ADAMTS20: variants seen among roughly 807,000 people sequenced by gnomAD.
ADAMTS20 encodes ADAM metallopeptidase with thrombospondin type 1 motif 20, also known as A disintegrin and metalloproteinase with thrombospondin motifs 20.
A neutral mutation model predicts 260.1 loss-of-function variants in ADAMTS20; 225 were observed. The observed-to-expected ratio is 0.87, with a 90% CI of 0.78 to 0.97. The LOEUF is 0.97. ADAMTS20 is among the 50% of genes least tolerant of loss of function. The pLI is 0.00. For synonymous variants in ADAMTS20, 802 were observed against 769.5 expected, an observed-to-expected ratio of 1.04 and a Z score of -0.70; for missense variants, 2,400 against 2,337.7, an observed-to-expected ratio of 1.03 and a Z score of -0.55.
intron 28 of ADAMTS20, among the ~76,000 whole-genome samples, chr12:43,420,596 C>T (rs1941207915): frequency 6.6e-6 from 1 of 151,960 alleles, no homozygotes; most frequent in African/African-American, 2.4e-5. Flanking sequence ...CTGGCTCCTG[C>T]TGGCCTTAGG....
intron 2 of ADAMTS20, 21 bp downstream of exon 2, chr12:43,550,888 A>T (rs367791048): frequency 1.7e-5 from 26 of 1,508,794 alleles, no homozygotes; most frequent in Non-Finnish European, 2.2e-5. Flanking sequence ...AGAAAATGCC[A>T]AGGGACCCGA....
intron 28 of ADAMTS20, among the ~76,000 whole-genome samples, chr12:43,421,660 A>C (rs1051348009): frequency 6.6e-6 from 1 of 152,060 alleles, no homozygotes; most frequent in Non-Finnish European, 1.5e-5. Flanking sequence ...TTATTAAATA[A>C]ATTTGCTTAC....
At chr12:43,389,514 G>A (rs906754554) in intron 29 of ADAMTS20, among the ~76,000 whole-genome samples, 3 of 152,136 alleles carry the variant, frequency 2.0e-5, no homozygotes, top group African/African-American at 7.2e-5. Flanking sequence ...AGGGCTCTAG[G>A]TGGCATTGCC....
At chr12:43,521,393 G>A (rs61925172) in intron 3 of ADAMTS20, among the ~76,000 whole-genome samples, 13,240 of 152,072 alleles carry the variant, frequency 0.087, 722 homozygotes, top group Admixed American at 0.19. Context: ...TCATGTATTC[G>A]CAAAAATATT....
chr12:43,414,363 G>C (rs556582169), intron 28 of ADAMTS20, among the ~76,000 whole-genome samples: 13 of 152,034 alleles, frequency 8.6e-5, no homozygotes, highest in Non-Finnish European at 1.6e-4. Flanking sequence ...ATAGAAACTC[G>C]TTTACTGTTG....
At chr12:43,543,179 G>A (rs1943399521) in intron 2 of ADAMTS20, among the ~76,000 whole-genome samples, 1 of 152,068 alleles carries the variant, frequency 6.6e-6, no homozygotes, top group Admixed American at 6.6e-5. Context: ...AGGTGTGGGG[G>A]GGTGTGCCTG....
intron 36 of ADAMTS20, 132 bp from the exon 37 acceptor site, chr12:43,369,513 A>G (rs1940061141): frequency 3.1e-6 from 1 of 325,384 alleles, no homozygotes; most frequent in Non-Finnish European, 5.3e-6. Flanking sequence ...TTTAAGCACA[A>G]ATGCCACAAT....
intron 2 of ADAMTS20, among the ~76,000 whole-genome samples, 174 bp downstream of exon 2, chr12:43,550,735 C>T (rs12314214): frequency 0.01 from 1,566 of 152,256 alleles, 24 homozygotes; most frequent in African/African-American, 0.035. Context: ...ACCTGCTCAT[C>T]CTGCCACCAG....
intron 11 of ADAMTS20, 60 bp downstream of exon 11, chr12:43,462,835 A>T (rs1942087062): frequency 7.3e-7 from 1 of 1,365,322 alleles, no homozygotes; most frequent in African/African-American, 1.4e-5. Flanking sequence ...GCTAAAATGC[A>T]GAGCAATCAC....
At position 43,434,336 on chromosome 12, in the gene ADAMTS20, T is replaced by A; in HGVS notation, c.2629A>T (p.Ser877Cys). The A allele has an allele frequency of 6.3e-7, 1 of 1,591,178 alleles. No individual in the cohort carries two copies. The highest frequency in any genetic ancestry group is 8.6e-7 in the Non-Finnish European group (1 of 1,167,606). Reference sequence around the variant, plus strand: ...TTATCAGACACAACACTATGATCACTCTTATGTATGCAAGTTATGTTTCTT... The same window carrying A: ...TTATCAGACACAACACTATGATCACACTTATGTATGCAAGTTATGTTTCTT... ...QRRNITCIHK[S>C]DHSVVSDKEC... is the part of the protein sequence containing the mutation. The change falls in exon 19 of 39, where the codon AGT (serine) becomes TGT (cysteine). Residue 877 changes from serine to cysteine, a missense_variant. Coordinates refer to ENST00000389420, the MANE Select transcript of ADAMTS20 (RefSeq NM_025003.5).
intron 2 of ADAMTS20, among the ~76,000 whole-genome samples, chr12:43,544,911 CT>C (rs1466971126): frequency 6.6e-6 from 1 of 152,148 alleles, no homozygotes; most frequent in Non-Finnish European, 1.5e-5. Flanking sequence ...CTTGATAATT[CT>C]TTGTGTAGGG....
rs771206404 is a variant in ADAMTS20, at chr12:43,551,137, C to A, written c.225G>T (p.Pro75=). Residue 75 remains proline, a synonymous_variant, in exon 2 of 39, where the codon CCG becomes CCT. Transcript: ENST00000389420. The surrounding 1 kb of genome is among the most constrained non-coding windows in gnomAD (Gnocchi z 4.6). ...CAGTGAAGCGATAGTGGGTTCGGAA[C>A]GGCATGGGTTCCAGCGCCTCGGAGC... ...KRSSEALEPM[P]FRTHYRFTAY... is the part of the protein sequence containing the mutation. 5.0e-6 allele frequency: 8 copies of A among 1,613,908 alleles called. No homozygotes were observed. Among genetic ancestry groups the A allele is most frequent in the East Asian group, 4.5e-5 (2 of 44,840 alleles).
At chr12:43,361,381 G>T (rs1193475395) in intron 37 of ADAMTS20, among the ~76,000 whole-genome samples, 1 of 152,196 alleles carries the variant, frequency 6.6e-6, no homozygotes, top group Non-Finnish European at 1.5e-5. Context: ...ACAAATACAG[G>T]CTGAATATAG....
chr12:43,434,384 C>G lies in ADAMTS20; in HGVS notation c.2594-13G>C, dbSNP rs1382838789. ...CTTCGCTGAAGACCTTGGCCAAAGT[C>G]AAATGAAAATAAAAAATGAAAGAAA... On this transcript the variant is annotated splice_polypyrimidine_tract_variant and intron_variant, in intron 18 of 38. Transcript: ENST00000389420. 1.3e-6 allele frequency: 2 copies of G among 1,551,374 alleles called. No homozygotes were observed. The highest frequency in any genetic ancestry group is 1.7e-6 in the Non-Finnish European group (2 of 1,149,444).
intron 9 of ADAMTS20, among the ~76,000 whole-genome samples, chr12:43,466,043 A>G (rs556776853): frequency 6.6e-6 from 1 of 152,196 alleles, no homozygotes; most frequent in East Asian, 1.9e-4. Flanking sequence ...TGACTGAGAA[A>G]GAAACACCAT....
At chr12:43,413,782 T>C (rs1371111342) in intron 28 of ADAMTS20, among the ~76,000 whole-genome samples, 2 of 152,252 alleles carry the variant, frequency 1.3e-5, no homozygotes, top group East Asian at 3.9e-4. Context: ...AACACCTGAA[T>C]AAGCTAACAA....
At chr12:43,370,151 A>G (rs958697456) in intron 36 of ADAMTS20, among the ~76,000 whole-genome samples, 1 of 152,190 alleles carries the variant, frequency 6.6e-6, no homozygotes, top group African/African-American at 2.4e-5. Context: ...CCAGGATGAC[A>G]TCAGTCCTTC....
chr12:43,401,298 T>C (rs952958344), intron 28 of ADAMTS20, among the ~76,000 whole-genome samples: 1 of 151,938 alleles, frequency 6.6e-6, no homozygotes, highest in Non-Finnish European at 1.5e-5. Flanking sequence ...GTCTGTTTTG[T>C]AAAATTCCCA....
intron 9 of ADAMTS20, among the ~76,000 whole-genome samples, chr12:43,466,270 T>TG (rs1942150090): frequency 6.6e-6 from 1 of 151,894 alleles, no homozygotes; most frequent in African/African-American, 2.4e-5. Flanking sequence ...ACCTCAAACT[T>TG]GAGCCACTCA....
Sources: gnomAD v4.1 joint callset for allele counts (sites outside exome capture counted in the v4.1 genomes callset) on GRCh38, gnomAD v4.1.1 for gene constraint, Gnocchi (gnomAD v3.1) non-coding constraint, MANE v1.5 for transcripts, NCBI Gene and HGNC (gene_info 2026-07-23, HGNC 2026-07-21) for gene names.